Variants in CNTN4 observed in about 807,000 individuals in gnomAD.
CNTN4 encodes the protein contactin 4.
In CNTN4, 77 loss-of-function variants were observed where a neutral mutation model predicts 122.5. That is an observed-to-expected ratio of 0.63 (90% CI 0.52 to 0.76). The LOEUF (loss-of-function observed/expected upper bound fraction) is 0.76. Ranked by LOEUF, CNTN4 falls within the 30% of genes least tolerant of loss-of-function variation. The pLI is 0.00. For synonymous variants in CNTN4, 512 were observed against 447.0 expected (o/e 1.15, Z -1.83); for missense variants, 1,256 against 1,259.1 (o/e 1.00, Z 0.04).
chr3:2,401,480 GTT>G (rs2046856961), intron 3 of CNTN4, among the ~76,000 whole-genome samples: 1 of 152,180 alleles, frequency 6.6e-6, no homozygotes, highest in African/African-American at 2.4e-5. Flanking sequence ...ATAAAATAGA[GTT>G]TTCACTTTAT....
chr3:2,453,913 A>G lies in CNTN4; in HGVS notation c.-89+114680A>G, dbSNP rs538180275. ...ATGAAACTGTATTTATAAAACTACA[A>G]TTACAATTTAGAAGTTATTTTGAAA... On this transcript the variant is annotated intron_variant, in intron 3 of 24. Coordinates refer to ENST00000418658, the MANE Select transcript of CNTN4 (RefSeq NM_175607.3). 7.2e-5 allele frequency among the ~76,000 whole-genome samples: 11 copies of G among 151,848 alleles called. No homozygotes were observed. In the East Asian group the frequency reaches 1.2e-3, roughly 16 times the overall value.
intron 2 of CNTN4, among the ~76,000 whole-genome samples, chr3:2,117,788 G>A (rs1230883845): frequency 6.6e-6 from 1 of 152,154 alleles, no homozygotes; most frequent in Non-Finnish European, 1.5e-5. Context: ...AGACACGCAG[G>A]GTTTAGGACC....
At chr3:2,330,518 T>C (rs1320910916) in intron 2 of CNTN4, among the ~76,000 whole-genome samples, 1 of 152,102 alleles carries the variant, frequency 6.6e-6, no homozygotes, top group African/African-American at 2.4e-5. Context: ...TGTCAAGAAA[T>C]GAAGAAGAAA....
intron 3 of CNTN4, among the ~76,000 whole-genome samples, chr3:2,380,334 C>T (rs1295137709): frequency 6.6e-6 from 1 of 152,114 alleles, no homozygotes; most frequent in Non-Finnish European, 1.5e-5. Context: ...ATCTGTTTTT[C>T]TCTTTTGATT....
chr3:2,993,299 A>ATTTTTTTTTTTTTTTTTTTTTTTTTT (rs576176618), intron 14 of CNTN4, among the ~76,000 whole-genome samples: 1 of 143,892 alleles, frequency 6.9e-6, no homozygotes, highest in Non-Finnish European at 1.5e-5. Flanking sequence ...AGACTGTGTA[A>ATTTTTTTTTTTTTTTTTTTTTTTTTT]TTTTTTTTTT....
intron 2 of CNTN4, among the ~76,000 whole-genome samples, chr3:2,148,942 CTGTG>C (rs59161687): frequency 0.021 from 3,152 of 149,162 alleles, 130 homozygotes; most frequent in African/African-American, 0.073. Context: ...ACTACCGTGA[CTGTG>C]TGTGTGTGTG....
intron 14 of CNTN4, among the ~76,000 whole-genome samples, chr3:3,025,053 G>A (rs1331616686): frequency 2.0e-5 from 3 of 152,054 alleles, no homozygotes. Flanking sequence ...TTATTCTTTA[G>A]GCATGTATGC....
At chr3:2,356,590 C>T (rs2044882781) in intron 3 of CNTN4, among the ~76,000 whole-genome samples, 1 of 152,186 alleles carries the variant, frequency 6.6e-6, no homozygotes, top group Non-Finnish European at 1.5e-5. Context: ...TTACTTCAAC[C>T]TGTTTTATCA....
chr3:2,451,534 C>T (rs1391757319), intron 3 of CNTN4, among the ~76,000 whole-genome samples: 1 of 149,630 alleles, frequency 6.7e-6, no homozygotes, highest in African/African-American at 2.4e-5. Flanking sequence ...TTATATAGAT[C>T]TTAAATATAT....
intron 4 of CNTN4, among the ~76,000 whole-genome samples, chr3:2,657,469 T>C (rs918821880): frequency 1.3e-5 from 2 of 152,218 alleles, no homozygotes; most frequent in African/African-American, 4.8e-5. Flanking sequence ...TCAGGGTACA[T>C]TGAATTTAAG....
At chr3:2,821,916 T>G (rs1002486240) in intron 7 of CNTN4, among the ~76,000 whole-genome samples, 1 of 152,238 alleles carries the variant, frequency 6.6e-6, no homozygotes, top group African/African-American at 2.4e-5. Context: ...CTGTTTTATT[T>G]TTGTCCTCTG....
intron 2 of CNTN4, among the ~76,000 whole-genome samples, chr3:2,170,193 G>A (rs532655033): frequency 7.7e-5 from 11 of 143,232 alleles, no homozygotes; most frequent in Admixed American, 1.4e-4. Context: ...TGGTGGCGGC[G>A]CCTGTAGTCC....
chr3:2,660,707 C>T (rs914758618), intron 4 of CNTN4, among the ~76,000 whole-genome samples: 1 of 152,216 alleles, frequency 6.6e-6, no homozygotes, highest in African/African-American at 2.4e-5. Context: ...AGGTGATAAT[C>T]TAGACTTTGG....
chr3:2,607,369 A>T (rs968966008), intron 4 of CNTN4, among the ~76,000 whole-genome samples: 1 of 152,190 alleles, frequency 6.6e-6, no homozygotes, highest in Non-Finnish European at 1.5e-5. Context: ...TTGTAATAGC[A>T]AAATGGTAGA....
At chr3:2,229,575 G>C (rs1364622768) in intron 2 of CNTN4, among the ~76,000 whole-genome samples, 1 of 152,112 alleles carries the variant, frequency 6.6e-6, no homozygotes, top group Non-Finnish European at 1.5e-5. Flanking sequence ...GACTTCCTTA[G>C]ATATAGCTGA....
chr3:2,568,855 A>G (rs28584542), intron 3 of CNTN4, among the ~76,000 whole-genome samples: 3,668 of 152,342 alleles, frequency 0.024, 153 homozygotes, highest in African/African-American at 0.084. Context: ...AAATACTATC[A>G]TATCATGAAC....
At chr3:2,166,108 A>C (rs2149204957) in intron 2 of CNTN4, among the ~76,000 whole-genome samples, 1 of 152,074 alleles carries the variant, frequency 6.6e-6, no homozygotes, top group South Asian at 2.1e-4. Flanking sequence ...TCTATTTTTA[A>C]CTTTTTGAGG....
chr3:2,317,269 TG>T lies in CNTN4; in HGVS notation c.-144-21908del, dbSNP rs1336320659. On this transcript the variant is annotated intron_variant, in intron 2 of 24. Coordinates refer to ENST00000418658, the MANE Select transcript of CNTN4 (RefSeq NM_175607.3). ...TCTGAATTCAATTAACAGTGGTACT[TG>T]TTTGTGATGGAGTTGGGGTTTCATT... 2.0e-5 allele frequency among the ~76,000 whole-genome samples: 3 copies of T among 152,324 alleles called. No individual in the cohort carries two copies. In the East Asian group the frequency reaches 5.8e-4, roughly 29 times the overall value.
intron 3 of CNTN4, among the ~76,000 whole-genome samples, chr3:2,501,212 A>G (rs1559611721): frequency 6.6e-6 from 1 of 152,130 alleles, no homozygotes; most frequent in South Asian, 2.1e-4. Flanking sequence ...TGAGGTTTCA[A>G]ATGGATTTGT....
Sources: allele counts gnomAD v4.1 joint callset (sites outside exome capture counted in the v4.1 genomes callset), GRCh38; gene constraint gnomAD v4.1.1; transcripts MANE v1.5; gene names NCBI Gene and HGNC (gene_info 2026-07-23, HGNC 2026-07-21).